SHROOM3: variants seen among roughly 807,000 people sequenced by gnomAD.
The protein encoded by SHROOM3 is protein Shroom3.
SHROOM3 carries 47 observed loss-of-function variants against 138.6 expected under a neutral mutation model. The ratio of observed to expected loss-of-function variants is 0.34; its 90% CI spans 0.27 to 0.43. The LOEUF (loss-of-function observed/expected upper bound fraction) is 0.43, where lower values mean the gene tolerates loss of function less well. SHROOM3 is among the 20% of genes least tolerant of loss of function. SHROOM3 has a pLI of 1.00. For missense variants in SHROOM3, 2,491 were observed against 2,596.5 expected (o/e 0.96, Z 0.88); for synonymous variants, 1,062 against 1,063.3 (o/e 1.00, Z 0.02).
In SHROOM3 at chr4:76,704,626, G is replaced by A. The variant is rs372035165; in HGVS notation, c.324-5530G>A. ...AGGTCAGAATGCAGTAAGGGGAAAG[G>A]TTGAAGGAGGGGCAGGAGCCACGTC... On this transcript the variant is annotated intron_variant, in intron 2 of 10. Coordinates refer to ENST00000296043, the MANE Select transcript of SHROOM3 (RefSeq NM_020859.4). Among the ~76,000 whole-genome samples the A allele has an allele frequency of 3.9e-5, 6 of 152,326 alleles. No individual in the cohort carries two copies. In the East Asian group the frequency reaches 1.2e-3, roughly 29 times the overall value.
At chr4:76,483,726 A>G (rs1274805162) in intron 1 of SHROOM3, among the ~76,000 whole-genome samples, 1 of 152,216 alleles carries the variant, frequency 6.6e-6, no homozygotes, top group Non-Finnish European at 1.5e-5. Flanking sequence ...CACAATAGCA[A>G]AGACTTGGAA....
chr4:76,689,614 C>G, intron 2 of SHROOM3: 2 of 985,280 alleles, frequency 2.0e-6, no homozygotes, highest in Non-Finnish European at 2.4e-6. Flanking sequence ...CGCGCGCCGC[C>G]TCCTCGGAGC....
chr4:76,695,693 C>A (rs1024867628), intron 2 of SHROOM3, among the ~76,000 whole-genome samples: 27 of 152,206 alleles, frequency 1.8e-4, no homozygotes, highest in Admixed American at 1.3e-4. Flanking sequence ...ATCCTAGTAT[C>A]TGTTCCTATA....
intron 1 of SHROOM3, among the ~76,000 whole-genome samples, chr4:76,549,997 T>A (rs1383738774): frequency 6.6e-6 from 1 of 152,164 alleles, no homozygotes; most frequent in East Asian, 1.9e-4. Flanking sequence ...CTCCTTTGAC[T>A]TGCTGGAAAT....
At chr4:76,552,635 C>G (rs1336783429) in intron 1 of SHROOM3, among the ~76,000 whole-genome samples, 13 of 150,654 alleles carry the variant, frequency 8.6e-5, no homozygotes, top group Admixed American at 7.3e-4. Context: ...TTGCTATATA[C>G]ATATACATAT....
intron 2 of SHROOM3, among the ~76,000 whole-genome samples, chr4:76,705,056 T>G (rs959055876): frequency 6.6e-6 from 1 of 152,164 alleles, no homozygotes; most frequent in Non-Finnish European, 1.5e-5. Flanking sequence ...TACTCCAGTT[T>G]CCCCAGCCTT....
Position 76,672,189 on chromosome 4 carries a change from T to C in SHROOM3, c.324-37967T>C, listed in dbSNP as rs77156843. 7.5e-3 allele frequency among the ~76,000 whole-genome samples: 1,138 copies of C among 152,210 alleles called. 18 individuals are homozygous for C. Among genetic ancestry groups the C allele is most frequent in the African/African-American group, 0.026 (1,095 of 41,524 alleles). Reference sequence around the variant, plus strand: ...AAAAAAAATGAACATAGCAAGATTTTCCGTTCTAATTCTATAAATGAGATT... The same window carrying C: ...AAAAAAAATGAACATAGCAAGATTTCCCGTTCTAATTCTATAAATGAGATT... On this transcript the variant is annotated intron_variant, in intron 2 of 10. Transcript: ENST00000296043.
At chr4:76,735,860 AAAAAAAAAATATATATATATATATAT>A (rs1434385394) in intron 4 of SHROOM3, among the ~76,000 whole-genome samples, 139 of 18,778 alleles carry the variant, frequency 7.4e-3, no homozygotes, top group Middle Eastern at 0.028. Flanking sequence ...AAAAAAAAAA[AAAAAAAAAATATATATATATATATAT>A]ATATATATAT....
At chr4:76,544,071 T>C (rs1412853355) in intron 1 of SHROOM3, among the ~76,000 whole-genome samples, 1 of 152,228 alleles carries the variant, frequency 6.6e-6, no homozygotes, top group East Asian at 1.9e-4. Flanking sequence ...ATGACTTTTC[T>C]AAGAAAGCAT....
intron 7 of SHROOM3, 29 bp from the exon 8 acceptor site, chr4:76,756,420 T>C (rs775625786): frequency 6.0e-4 from 860 of 1,438,414 alleles, no homozygotes; most frequent in African/African-American, 2.9e-3. Context: ...TCTCTCTCTT[T>C]TTTTTTTTTT....
At chr4:76,571,844 C>G (rs1399962996) in intron 2 of SHROOM3, among the ~76,000 whole-genome samples, 1 of 152,160 alleles carries the variant, frequency 6.6e-6, no homozygotes, top group Non-Finnish European at 1.5e-5. Context: ...CTGTACTAGT[C>G]TTACTAGTAC....
intron 7 of SHROOM3, among the ~76,000 whole-genome samples, chr4:76,755,870 A>T (rs899367128): frequency 2.6e-5 from 4 of 152,216 alleles, no homozygotes; most frequent in African/African-American, 9.6e-5. Context: ...CCCAACACAT[A>T]GTCCCTAGAA....
intron 2 of SHROOM3, among the ~76,000 whole-genome samples, chr4:76,594,717 G>A (rs73828188): frequency 0.043 from 6,543 of 152,256 alleles, 459 homozygotes; most frequent in African/African-American, 0.15. Context: ...AGGGAACAGG[G>A]AACCATTGGA....
At chr4:76,525,591 A>G (rs931651160) in intron 1 of SHROOM3, among the ~76,000 whole-genome samples, 5 of 152,148 alleles carry the variant, frequency 3.3e-5, no homozygotes, top group African/African-American at 1.2e-4. Context: ...CATTTCATGC[A>G]CTTATTTACC....
chr4:76,479,298 G>A (rs1454700273), intron 1 of SHROOM3, among the ~76,000 whole-genome samples: 1 of 151,900 alleles, frequency 6.6e-6, no homozygotes, highest in Non-Finnish European at 1.5e-5. Flanking sequence ...ACCTGATGGA[G>A]CTGAAAAACA....
At chr4:76,547,042 C>T (rs1265996195) in intron 1 of SHROOM3, among the ~76,000 whole-genome samples, 1 of 152,204 alleles carries the variant, frequency 6.6e-6, no homozygotes, top group East Asian at 1.9e-4. Flanking sequence ...ACCGGCAGTG[C>T]GTGCCAGCTC....
intron 3 of SHROOM3, among the ~76,000 whole-genome samples, chr4:76,727,198 A>C (rs1005742237): frequency 2.0e-5 from 3 of 152,212 alleles, no homozygotes; most frequent in Admixed American, 6.5e-5. Flanking sequence ...TACATACATG[A>C]AACACCTCTA....
intron 1 of SHROOM3, among the ~76,000 whole-genome samples, chr4:76,493,895 T>G (rs1395874731): frequency 6.6e-6 from 1 of 152,104 alleles, no homozygotes; most frequent in Non-Finnish European, 1.5e-5. Flanking sequence ...AGGAGAATCG[T>G]TTGAAACCGG....
intron 2 of SHROOM3, among the ~76,000 whole-genome samples, chr4:76,588,575 C>T (rs543179211): frequency 1.3e-5 from 2 of 152,306 alleles, no homozygotes; most frequent in African/African-American, 2.4e-5. Context: ...CAGACACCTT[C>T]TTTCTGTTTC....
Sources: allele counts gnomAD v4.1 joint callset (sites outside exome capture counted in the v4.1 genomes callset), GRCh38; gene constraint gnomAD v4.1.1; transcripts MANE v1.5; gene names NCBI Gene and HGNC (gene_info 2026-07-23, HGNC 2026-07-21).